RFFL: variants seen among roughly 807,000 people sequenced by gnomAD.
RFFL encodes E3 ubiquitin-protein ligase rififylin.
RFFL carries 16 observed loss-of-function variants against 40.4 expected under a neutral mutation model. The observed-to-expected ratio is 0.40, with a 90% CI of 0.27 to 0.60. The LOEUF (loss-of-function observed/expected upper bound fraction) is 0.60, where lower values mean the gene tolerates loss of function less well. Ranked by LOEUF, RFFL falls within the 20% of genes least tolerant of loss-of-function variation. The probability of loss-of-function intolerance (pLI) is 0.47; values close to 1 mark genes in which losing one functional copy is unlikely to be tolerated. For synonymous variants in RFFL, 154 were observed against 167.9 expected, an observed-to-expected ratio of 0.92 and a Z score of 0.64; for missense variants, 367 against 451.7, an observed-to-expected ratio of 0.81 and a Z score of 1.70.
In RFFL at chr17:35,021,464, G is replaced by A. The variant is rs762869612; in HGVS notation, c.498C>T (p.His166=). The A allele has an allele frequency of 6.4e-7, 1 of 1,571,592 alleles. No homozygotes were observed. Among genetic ancestry groups the A allele is most frequent in the Non-Finnish European group, 8.6e-7 (1 of 1,160,280 alleles). Residue 166 remains histidine, a synonymous_variant, in exon 3 of 7, where the codon CAC becomes CAT. Coordinates refer to ENST00000394597, the MANE Select transcript of RFFL (RefSeq NM_001017368.2). The part of the protein sequence containing the change: ...PEQQAFLTQP[H]SSMVPPTSPN... ...GTGAGGTAGGTGGAACCATGCTGGAGTGAGGCTGGGTCAGGAAGGCCTGCT... is the reference window on the plus strand; with the variant it reads ...GTGAGGTAGGTGGAACCATGCTGGAATGAGGCTGGGTCAGGAAGGCCTGCT...
At chr17:35,057,246 C>A (rs966362671) in intron 1 of RFFL, among the ~76,000 whole-genome samples, 1 of 152,114 alleles carries the variant, frequency 6.6e-6, no homozygotes, top group Non-Finnish European at 1.5e-5. Flanking sequence ...GAAGGCTAGA[C>A]TCACTATCTA....
intron 1 of RFFL, among the ~76,000 whole-genome samples, chr17:35,076,088 T>C (rs1339558097): frequency 2.8e-5 from 4 of 144,178 alleles, no homozygotes; most frequent in South Asian, 2.3e-4. Context: ...CCACCTCCCA[T>C]GTTCAAGGGA....
At chr17:35,024,278 T>C (rs1405447589) in intron 2 of RFFL, among the ~76,000 whole-genome samples, 2 of 152,114 alleles carry the variant, frequency 1.3e-5, no homozygotes, top group Non-Finnish European at 2.9e-5. Flanking sequence ...TGAGAGAATG[T>C]ATATAAAACC....
At chr17:35,040,103 A>G (rs1452197797) in intron 1 of RFFL, among the ~76,000 whole-genome samples, 1 of 152,014 alleles carries the variant, frequency 6.6e-6, no homozygotes, top group East Asian at 1.9e-4. Flanking sequence ...ACACTTCTCT[A>G]TCCTCATCTT....
At chr17:35,027,407 A>G (rs575814512) in intron 1 of RFFL, among the ~76,000 whole-genome samples, 1 of 152,302 alleles carries the variant, frequency 6.6e-6, no homozygotes, top group South Asian at 2.1e-4. Context: ...TCCTTACTGA[A>G]TCAGAGCCTC....
At chr17:35,075,763 T>A (rs888327807) in intron 1 of RFFL, among the ~76,000 whole-genome samples, 2 of 152,098 alleles carry the variant, frequency 1.3e-5, no homozygotes, top group Non-Finnish European at 2.9e-5. Context: ...TAATAATGCA[T>A]CCTCGTAGAC....
intron 1 of RFFL, among the ~76,000 whole-genome samples, chr17:35,031,601 T>G (rs1388335583): frequency 6.6e-6 from 1 of 151,648 alleles, no homozygotes; most frequent in Non-Finnish European, 1.5e-5. Context: ...TTAACGGAGG[T>G]TTGCACCATG....
At position 35,059,017 on chromosome 17, in the gene RFFL, A is replaced by ATTT. The variant is rs750015998; in HGVS notation, c.-9+4556_-9+4558dup. Among the ~76,000 whole-genome samples, 90 of 123,472 alleles carry ATTT rather than the reference A, an allele frequency of 7.3e-4. 1 individual carries two copies. The South Asian group carries it at 0.01, about 14-fold the overall frequency. The allele number at this position is 123,472 out of a possible 152,430, so 81.0% of individuals were successfully genotyped here. A position where few individuals can be genotyped will look rare whatever the true frequency, so the allele number is the denominator to read the frequency against. The stretch of plus-strand genomic sequence containing the variant: ...CCATGTAAAAGAAGCTCGAGCTAGA[A>ATTT]TTTTTTTTTTTTTTTTTTTTTGAGA... On this transcript the variant is annotated intron_variant, in intron 1 of 6. Transcript: ENST00000394597.
At chr17:35,079,696 G>C (rs11870662) in intron 1 of RFFL, among the ~76,000 whole-genome samples, 13,918 of 152,176 alleles carry the variant, frequency 0.091, 1,948 homozygotes, top group African/African-American at 0.3. Flanking sequence ...CACTGAACTA[G>C]ATCAATGGGA....
rs2090895472 is a variant in RFFL at position 35,006,393 on chromosome 17, C to T, written c.*5575G>A. 6.6e-6 allele frequency: 1 copy of T among 152,320 alleles called. No individual in the cohort carries two copies. The highest frequency in any genetic ancestry group is 1.9e-4 in the East Asian group (1 of 5,206). 9.4% of individuals were successfully genotyped at this position (152,320 alleles called of 1,614,324 possible). A position where few individuals can be genotyped will look rare whatever the true frequency, so the allele number is the denominator to read the frequency against. ...CGGAGTTCAGATCAGACTCCTGAAA[C>T]TTAATGGCTCTAACCTTAGGCAAGT... On this transcript the variant is annotated 3_prime_UTR_variant, in exon 7 of 7. Transcript: ENST00000394597.
At chr17:35,023,312 T>A (rs1193544561) in intron 2 of RFFL, among the ~76,000 whole-genome samples, 3 of 152,234 alleles carry the variant, frequency 2.0e-5, no homozygotes, top group Non-Finnish European at 4.4e-5. Context: ...GATAGTTATA[T>A]AAGTTTTGTC....
At chr17:35,060,248 A>T (rs1461958025) in intron 1 of RFFL, among the ~76,000 whole-genome samples, 1 of 152,198 alleles carries the variant, frequency 6.6e-6, no homozygotes, top group Non-Finnish European at 1.5e-5. Flanking sequence ...GTCTCTAACC[A>T]CAACCAGGGC....
At chr17:35,059,551 C>T (rs1406111980) in intron 1 of RFFL, among the ~76,000 whole-genome samples, 2 of 152,168 alleles carry the variant, frequency 1.3e-5, no homozygotes, top group Admixed American at 6.5e-5. Flanking sequence ...CAAAAGTCTT[C>T]GGGTAATTTG....
chr17:35,038,211 C>T (rs1026515290), intron 1 of RFFL, among the ~76,000 whole-genome samples: 4 of 149,632 alleles, frequency 2.7e-5, no homozygotes, highest in Non-Finnish European at 4.4e-5. Flanking sequence ...ATCGCTTGAA[C>T]CTGGGAGGCA....
At chr17:35,057,994 TA>T (rs1012121868) in intron 1 of RFFL, among the ~76,000 whole-genome samples, 6 of 149,436 alleles carry the variant, frequency 4.0e-5, no homozygotes, top group East Asian at 1.9e-4. Flanking sequence ...AATTATGAAC[TA>T]AAAAAAAAGT....
chr17:35,068,769 G>C (rs898295237), intron 1 of RFFL, among the ~76,000 whole-genome samples: 1 of 152,160 alleles, frequency 6.6e-6, no homozygotes, highest in Non-Finnish European at 1.5e-5. Flanking sequence ...AGAGGGGTCA[G>C]GACCCAGCCT....
chr17:35,036,471 C>G (rs985981271), intron 1 of RFFL: 2 of 152,190 alleles, frequency 1.3e-5, no homozygotes, highest in Non-Finnish European at 2.9e-5. Context: ...TAACTGCTGT[C>G]CTACAGAGCT....
At chr17:35,062,356 TCACAC>T (rs2091296987) in intron 1 of RFFL, among the ~76,000 whole-genome samples, 1 of 151,584 alleles carries the variant, frequency 6.6e-6, no homozygotes, top group South Asian at 2.1e-4. Flanking sequence ...TGAGCTAAGA[TCACAC>T]CACTGCACTG....
At chr17:35,059,603 T>C (rs1471629003) in intron 1 of RFFL, among the ~76,000 whole-genome samples, 1 of 152,224 alleles carries the variant, frequency 6.6e-6, no homozygotes, top group Non-Finnish European at 1.5e-5. Context: ...TTCAACACTC[T>C]CTTGGGCAGT....
Sources: gnomAD v4.1 joint callset for allele counts (sites outside exome capture counted in the v4.1 genomes callset) on GRCh38, gnomAD v4.1.1 for gene constraint, MANE v1.5 for transcripts, NCBI Gene and HGNC (gene_info 2026-07-23, HGNC 2026-07-21) for gene names.